TSHZ3: variants seen among roughly 807,000 people sequenced by gnomAD.
TSHZ3 encodes the protein teashirt zinc finger homeobox 3.
A neutral mutation model predicts 64.5 loss-of-function variants in TSHZ3; 10 were observed. The observed-to-expected ratio is 0.16, with a 90% CI of 0.10 to 0.26. TSHZ3 has a LOEUF of 0.26. Ranked by LOEUF, TSHZ3 falls within the 10% of genes least tolerant of loss-of-function variation. The pLI is 1.00. For synonymous variants in TSHZ3, 608 were observed against 593.1 expected (o/e 1.03, Z -0.36); for missense variants, 1,242 against 1,421.7 (o/e 0.87, Z 2.03).
At chr19:31,345,082 G>A (rs993085413) in intron 1 of TSHZ3, among the ~76,000 whole-genome samples, 4 of 152,150 alleles carry the variant, frequency 2.6e-5, no homozygotes, top group Non-Finnish European at 5.9e-5. Context: ...TCTTCCCCAC[G>A]TGGACATCCA....
chr19:31,215,593 C>T (rs1343601966), intron 4 of TSHZ3, among the ~76,000 whole-genome samples: 1 of 152,204 alleles, frequency 6.6e-6, no homozygotes, highest in Non-Finnish European at 1.5e-5. Context: ...AGGTTCTAAG[C>T]TGGGTGTGGT....
intron 6 of TSHZ3, among the ~76,000 whole-genome samples, chr19:31,151,953 C>T (rs545957756): frequency 6.6e-6 from 1 of 152,238 alleles, no homozygotes; most frequent in East Asian, 1.9e-4. Context: ...CACACACACA[C>T]AAAAGTTAAC....
intron 1 of TSHZ3, among the ~76,000 whole-genome samples, chr19:31,280,423 G>A (rs1040031979): frequency 4.0e-5 from 6 of 151,560 alleles, no homozygotes; most frequent in East Asian, 1.9e-4. Context: ...GTGTGGGTTC[G>A]TTCCAGTTGA....
upstream of TSHZ3, chr19:31,349,505 T>C (rs1321776461): frequency 1.6e-5 from 5 of 307,196 alleles, no homozygotes; most frequent in Middle Eastern, 8.3e-4. Flanking sequence ...GAGGAGGAGG[T>C]GGAGGAGGAG....
chr19:31,252,733 T>C (rs1362672241), intron 1 of TSHZ3, among the ~76,000 whole-genome samples: 3 of 152,220 alleles, frequency 2.0e-5, no homozygotes, highest in Non-Finnish European at 2.9e-5. Context: ...CCATTAAACC[T>C]CTTTCCTGTA....
intron 4 of TSHZ3, among the ~76,000 whole-genome samples, chr19:31,217,898 G>A (rs1473052665): frequency 6.6e-6 from 1 of 152,062 alleles, no homozygotes; most frequent in East Asian, 1.9e-4. Flanking sequence ...TCACACAGTT[G>A]GAATGATACA....
rs145980348 is a variant in TSHZ3, at chr19:31,260,275, T to A, written n.64-17400A>T. Among the ~76,000 whole-genome samples the A allele has an allele frequency of 6.0e-3, 907 of 152,312 alleles. 11 individuals carry two copies. Among genetic ancestry groups the A allele is most frequent in the African/African-American group, 0.021 (865 of 41,572 alleles). On this transcript the variant is annotated intron_variant and non_coding_transcript_variant, in intron 1 of 6. Transcript: ENST00000651361. ...CCCAGTCCCCCCGCCCAGGTCTCTG[T>A]CAGATTCACCATCCTCGTCTATGTC...
At chr19:31,341,978 C>T (rs983373391) in intron 1 of TSHZ3, among the ~76,000 whole-genome samples, 5 of 152,186 alleles carry the variant, frequency 3.3e-5, no homozygotes, top group South Asian at 2.1e-4. Flanking sequence ...GAACACAGCT[C>T]GAATAAACTG....
At chr19:31,196,043 G>A (rs1974987279) in intron 5 of TSHZ3, among the ~76,000 whole-genome samples, 2 of 151,722 alleles carry the variant, frequency 1.3e-5, no homozygotes, top group African/African-American at 2.4e-5. Context: ...ATAATATTAT[G>A]GTTGACCAAA....
intron 1 of TSHZ3, among the ~76,000 whole-genome samples, chr19:31,264,973 G>C (rs1249108848): frequency 6.6e-6 from 1 of 152,148 alleles, no homozygotes; most frequent in Non-Finnish European, 1.5e-5. Flanking sequence ...GGGGTCCCCA[G>C]CTATACCTTG....
At position 31,345,293 on chromosome 19, in the gene TSHZ3, G is replaced by A. The variant is rs1000269412; in HGVS notation, c.40+3887C>T. ...GAGAAATACGTGGCAGGTATGAGACGAAAAAAATTCCCAAAGCTAAGGCCG... is the reference window on the plus strand; with the variant it reads ...GAGAAATACGTGGCAGGTATGAGACAAAAAAAATTCCCAAAGCTAAGGCCG... On this transcript the variant is annotated intron_variant, in intron 1 of 1. Transcript: ENST00000240587. Among the ~76,000 whole-genome samples, 8 of 152,150 alleles carry A rather than the reference G, an allele frequency of 5.3e-5. 2 individuals carry two copies. The South Asian group carries it at 1.2e-3, about 24-fold the overall frequency.
upstream of TSHZ3, chr19:31,349,442 C>T: frequency 2.8e-6 from 1 of 360,626 alleles, no homozygotes. Context: ...AGAAGGAGGG[C>T]GGGCGAGGGA....
intron 5 of TSHZ3, among the ~76,000 whole-genome samples, chr19:31,184,707 C>T (rs543116043): frequency 6.6e-6 from 1 of 152,234 alleles, no homozygotes; most frequent in South Asian, 2.1e-4. Context: ...TTGCTATTTT[C>T]CTGATTAGAT....
At chr19:31,328,043 G>T (rs949615398) in intron 1 of TSHZ3, among the ~76,000 whole-genome samples, 1 of 152,202 alleles carries the variant, frequency 6.6e-6, no homozygotes, top group African/African-American at 2.4e-5. Context: ...CTTTGTTCTT[G>T]CAGATACCAG....
chr19:31,189,251 T>C lies in TSHZ3; in HGVS notation n.809+15705A>G, dbSNP rs542005831. 3.3e-5 allele frequency among the ~76,000 whole-genome samples: 5 copies of C among 152,110 alleles called. No individual in the cohort carries two copies. In the South Asian group the frequency reaches 6.2e-4, roughly 19 times the overall value. On this transcript the variant is annotated intron_variant and non_coding_transcript_variant, in intron 5 of 6. Transcript: ENST00000651361. The stretch of plus-strand genomic sequence containing the variant: ...TTTTATTTATTATCTTCAATGTTTG[T>C]TCAATTTCTGTTCACTGTTGCCCTT...
chr19:31,183,739 C>T (rs1261913222), intron 5 of TSHZ3, among the ~76,000 whole-genome samples: 1 of 152,138 alleles, frequency 6.6e-6, no homozygotes, highest in African/African-American at 2.4e-5. Flanking sequence ...GATGTTTCCA[C>T]CTCTTACATT....
chr19:31,323,863 AACACAC>A (rs58051976), intron 1 of TSHZ3, among the ~76,000 whole-genome samples: 10,087 of 122,114 alleles, frequency 0.083, 464 homozygotes, highest in East Asian at 0.18. Context: ...CCTGGCCTCC[AACACAC>A]ACACACACAC....
chr19:31,278,781 C>A lies in TSHZ3; in HGVS notation c.1012G>T (p.Gly338Cys). Reference protein sequence around the residue: ...LELPSSPDSTGGTPKATISDT... With the variant: ...LELPSSPDSTCGTPKATISDT... ...GAGATGGTGGCTTTGGGGGTTCCAC[C>A]TGTGGAATCTGGGGAGCTGGGGAGC... The change falls in exon 2 of 2, where the codon GGT becomes TGT. Residue 338 changes from glycine to cysteine, a missense_variant. By Grantham distance (159) the Gly-to-Cys change is radical (BLOSUM62 -3). Transcript: ENST00000240587. The surrounding 1 kb of genome is among the most constrained non-coding windows in gnomAD (Gnocchi z 4.7). The A allele has an allele frequency of 6.2e-7, 1 of 1,614,150 alleles. No individual in the cohort carries two copies. Among genetic ancestry groups the A allele is most frequent in the Non-Finnish European group, 8.5e-7 (1 of 1,180,040 alleles).
chr19:31,349,542 G>T, upstream of TSHZ3: 1 of 310,246 alleles, frequency 3.2e-6, no homozygotes, highest in South Asian at 1.3e-4. Flanking sequence ...CCGGCGGAAT[G>T]GGAAGTTTGA....
Sources: allele counts gnomAD v4.1 joint callset (sites outside exome capture counted in the v4.1 genomes callset), GRCh38; gene constraint gnomAD v4.1.1; non-coding constraint Gnocchi (gnomAD v3.1); transcripts MANE v1.5; gene names NCBI Gene and HGNC (gene_info 2026-07-23, HGNC 2026-07-21).